Variants in ATP10B observed in about 807,000 individuals in gnomAD.
ATP10B encodes the protein ATPase phospholipid transporting 10B (putative), also known as phospholipid-transporting ATPase VB.
ATP10B carries 122 observed loss-of-function variants against 141.2 expected under a neutral mutation model. That is an observed-to-expected ratio of 0.86 (90% confidence interval 0.75 to 1.00). The LOEUF (loss-of-function observed/expected upper bound fraction) is 1.00. Among genes scored for constraint, ATP10B ranks in the 50% least tolerant of loss-of-function variants. The probability of loss-of-function intolerance (pLI) is 0.00; values close to 1 mark genes in which losing one functional copy is unlikely to be tolerated. For missense variants in ATP10B, 1,876 were observed against 1,825.3 expected (o/e 1.03, Z -0.51); for synonymous variants, 685 against 692.0 (o/e 0.99, Z 0.16).
upstream of ATP10B, among the ~76,000 whole-genome samples, chr5:160,854,372 T>C (rs1581658149): frequency 6.6e-6 from 1 of 151,984 alleles, no homozygotes; most frequent in African/African-American, 2.4e-5. Context: ...GTTTCTTCCC[T>C]GTGTCCATGT....
intron 7 of ATP10B, among the ~76,000 whole-genome samples, chr5:160,652,836 ATATAT>A (rs1243527070): frequency 1.0e-5 from 1 of 99,912 alleles, no homozygotes; most frequent in East Asian, 2.5e-4. Context: ...TATATATAAT[ATATAT>A]TATAAAAAGA....
intron 2 of ATP10B, among the ~76,000 whole-genome samples, chr5:160,729,249 G>A (rs34052108): frequency 0.57 from 87,196 of 152,014 alleles, 25,806 homozygotes; most frequent in Middle Eastern, 0.74. Flanking sequence ...GGGTATTCTC[G>A]GTGGGCTGTG....
intron 3 of ATP10B, among the ~76,000 whole-genome samples, chr5:160,698,732 G>C (rs184269804): frequency 6.6e-6 from 1 of 152,244 alleles, no homozygotes; most frequent in African/African-American, 2.4e-5. Flanking sequence ...GCTACCAATG[G>C]GAAATTGAAA....
intron 7 of ATP10B, among the ~76,000 whole-genome samples, chr5:160,658,840 C>T (rs1444649792): frequency 1.3e-5 from 2 of 152,188 alleles, no homozygotes; most frequent in Non-Finnish European, 2.9e-5. Context: ...AGCCCTCATT[C>T]CACATGAACC....
At chr5:160,913,388 G>T in the ATP10B span, among the ~76,000 whole-genome samples, 4 of 152,158 alleles carry the variant, frequency 2.6e-5, no homozygotes, top group Non-Finnish European at 4.4e-5. Flanking sequence ...TCAGCATTTT[G>T]TTGGATCATG....
chr5:160,809,897 A>T (rs544751299), intron 1 of ATP10B, among the ~76,000 whole-genome samples: 4 of 152,184 alleles, frequency 2.6e-5, no homozygotes, highest in Non-Finnish European at 4.4e-5. Flanking sequence ...ATTGGATATC[A>T]GGCTTCTTGG....
At chr5:160,814,183 C>T (rs917006450) in intron 1 of ATP10B, among the ~76,000 whole-genome samples, 1 of 152,092 alleles carries the variant, frequency 6.6e-6, no homozygotes, top group Non-Finnish European at 1.5e-5. Context: ...TCAAACTACT[C>T]CGAGCTAAAG....
upstream of ATP10B, among the ~76,000 whole-genome samples, chr5:160,854,438 C>T (rs1753947451): frequency 6.6e-6 from 1 of 152,070 alleles, no homozygotes. Context: ...TTTTCTGTTC[C>T]TGTGTTAGTT....
chr5:160,753,173 G>A (rs1768280773), intron 2 of ATP10B, among the ~76,000 whole-genome samples: 1 of 151,926 alleles, frequency 6.6e-6, no homozygotes, highest in Non-Finnish European at 1.5e-5. Context: ...AAGGATGGCT[G>A]CCAGAGGGTG....
chr5:160,924,960 C>T, the ATP10B span, among the ~76,000 whole-genome samples: 1 of 152,124 alleles, frequency 6.6e-6, no homozygotes, highest in African/African-American at 2.4e-5. Context: ...GGAGAAAGTT[C>T]TGGTCAATCT....
chr5:160,816,681 C>T (rs933049340), intron 1 of ATP10B, among the ~76,000 whole-genome samples: 8 of 152,118 alleles, frequency 5.3e-5, no homozygotes, highest in South Asian at 2.1e-4. Context: ...ATACCAAAGC[C>T]GGACAGAGAC....
At chr5:160,743,439 A>G (rs1210461143) in intron 2 of ATP10B, among the ~76,000 whole-genome samples, 3 of 152,200 alleles carry the variant, frequency 2.0e-5, no homozygotes, top group African/African-American at 7.2e-5. Flanking sequence ...GACACTGGAC[A>G]TTTATCTTTC....
chr5:160,900,259 T>C, the ATP10B span, among the ~76,000 whole-genome samples: 1 of 152,210 alleles, frequency 6.6e-6, no homozygotes, highest in Non-Finnish European at 1.5e-5. Context: ...TTCATGCACA[T>C]TTTCTTTCTC....
chr5:160,660,276 T>A (rs1761819226), intron 7 of ATP10B, among the ~76,000 whole-genome samples: 1 of 152,222 alleles, frequency 6.6e-6, no homozygotes, highest in Non-Finnish European at 1.5e-5. Context: ...TTGTGGTTTC[T>A]ATTAAAAGGA....
intron 13 of ATP10B, among the ~76,000 whole-genome samples, chr5:160,628,628 G>A (rs1166440300): frequency 6.6e-6 from 1 of 152,208 alleles, no homozygotes; most frequent in Non-Finnish European, 1.5e-5. Context: ...AAGGAAAGCA[G>A]TGTGGAAGTT....
chr5:160,778,251 C>T (rs942772915), intron 2 of ATP10B, among the ~76,000 whole-genome samples: 2 of 152,208 alleles, frequency 1.3e-5, no homozygotes, highest in Non-Finnish European at 2.9e-5. Flanking sequence ...AGCATCTGAA[C>T]TTTCCTCATT....
intron 3 of ATP10B, among the ~76,000 whole-genome samples, chr5:160,690,118 A>T (rs532220152): frequency 1.4e-3 from 215 of 151,066 alleles, no homozygotes; most frequent in African/African-American, 5.2e-3. Flanking sequence ...AGGATTCCTT[A>T]TTTAATAAAT....
chr5:160,865,991 G>A, the ATP10B span, among the ~76,000 whole-genome samples: 8 of 152,102 alleles, frequency 5.3e-5, no homozygotes, highest in Non-Finnish European at 8.8e-5. Flanking sequence ...CAACCACTAT[G>A]GATAACAATA....
intron 3 of ATP10B, among the ~76,000 whole-genome samples, chr5:160,702,295 G>A (rs4921312): frequency 0.82 from 124,724 of 152,190 alleles, 51,392 homozygotes; most frequent in East Asian, 0.9. Context: ...CTTTTCAGCC[G>A]TAGGCATTAA....
Sources: gnomAD v4.1 joint callset for allele counts (sites outside exome capture counted in the v4.1 genomes callset) on GRCh38, gnomAD v4.1.1 for gene constraint, MANE v1.5 for transcripts, NCBI Gene and HGNC (gene_info 2026-07-23, HGNC 2026-07-21) for gene names.